SLC6A11: variants seen among roughly 807,000 people sequenced by gnomAD.
SLC6A11 encodes the protein solute carrier family 6 member 11.
A neutral mutation model predicts 74.8 loss-of-function variants in SLC6A11; 25 were observed. That is an observed-to-expected ratio of 0.33 (90% CI 0.24 to 0.47). The LOEUF (loss-of-function observed/expected upper bound fraction) is 0.47. SLC6A11 is among the 20% of genes least tolerant of loss of function. The pLI, the probability that SLC6A11 is intolerant of heterozygous loss-of-function variation, is 1.00. For missense variants in SLC6A11, 574 were observed against 837.0 expected, an observed-to-expected ratio of 0.69 and a Z score of 3.88; for synonymous variants, 330 against 330.2, an observed-to-expected ratio of 1.00 and a Z score of 0.01.
At chr3:10,827,463 G>T (rs1694226330) in intron 4 of SLC6A11, among the ~76,000 whole-genome samples, 1 of 152,132 alleles carries the variant, frequency 6.6e-6, no homozygotes, top group Admixed American at 6.5e-5. Context: ...TTCAAGTATT[G>T]GATCAAGCTT....
chr3:10,911,170 C>T (rs76514440), intron 6 of SLC6A11, among the ~76,000 whole-genome samples: 3 of 152,302 alleles, frequency 2.0e-5, no homozygotes, highest in African/African-American at 2.4e-5. Context: ...GGCAGTAATG[C>T]GTGCTGCCTG....
rs1354549743 is a variant in SLC6A11 at position 10,911,476 on chromosome 3, G to A, written c.892-614G>A. On this transcript the variant is annotated intron_variant, in intron 6 of 13. Coordinates refer to ENST00000254488, the MANE Select transcript of SLC6A11 (RefSeq NM_014229.3). Reference sequence around the variant, plus strand: ...TACCACATAGGAAGCCTAGAGGGGGGGAGTCTGTTCTGAAAGGGAGAAGGA... The same window carrying A: ...TACCACATAGGAAGCCTAGAGGGGGAGAGTCTGTTCTGAAAGGGAGAAGGA... 4.6e-5 allele frequency among the ~76,000 whole-genome samples: 7 copies of A among 152,254 alleles called. 1 individual carries two copies. The highest frequency in any genetic ancestry group is 1.7e-4 in the African/African-American group (7 of 41,554).
At chr3:10,900,445 G>A (rs1263816563) in intron 6 of SLC6A11, among the ~76,000 whole-genome samples, 2 of 152,212 alleles carry the variant, frequency 1.3e-5, no homozygotes, top group Non-Finnish European at 2.9e-5. Flanking sequence ...CCAGTTGGGG[G>A]AGACAGACAA....
At chr3:10,933,093 C>G in intron 10 of SLC6A11, 58 bp from the exon 11 acceptor site, 9 of 1,242,404 alleles carry the variant, frequency 7.2e-6, no homozygotes, top group Non-Finnish European at 1.1e-5. Flanking sequence ...GATGGCTGAC[C>G]CTGCTCTCCC....
intron 5 of SLC6A11, among the ~76,000 whole-genome samples, chr3:10,858,457 T>A (rs1217301375): frequency 1.3e-5 from 2 of 152,192 alleles, no homozygotes; most frequent in Non-Finnish European, 2.9e-5. Context: ...ATTCCCAGCA[T>A]CTCTAGTTAT....
intron 4 of SLC6A11, among the ~76,000 whole-genome samples, chr3:10,838,775 C>A (rs565513400): frequency 1.3e-5 from 2 of 152,204 alleles, no homozygotes; most frequent in Admixed American, 1.3e-4. Context: ...TCAATTTGGG[C>A]AAGTTGCTTC....
rs34205263 is a variant in SLC6A11 at position 10,923,250 on chromosome 3, TA to T, written c.1121-2740del. On this transcript the variant is annotated intron_variant, in intron 8 of 13. Coordinates refer to ENST00000254488, the MANE Select transcript of SLC6A11 (RefSeq NM_014229.3). ...TGGTTTCTAAACACTATTCTTCAAT[TA>T]AAAAAAAAAAAAACACAGGGCTCCT... Among the ~76,000 whole-genome samples, 453 of 142,362 alleles carry T rather than the reference TA, an allele frequency of 3.2e-3. 1 individual carries two copies. Among genetic ancestry groups the T allele is most frequent in the African/African-American group, 8.4e-3 (325 of 38,522 alleles). 93.4% of individuals were successfully genotyped at this position (142,362 alleles called of 152,430 possible).
At chr3:10,865,524 G>A (rs2106597427) in intron 5 of SLC6A11, among the ~76,000 whole-genome samples, 1 of 152,336 alleles carries the variant, frequency 6.6e-6, no homozygotes, top group Admixed American at 6.5e-5. Flanking sequence ...TTAGCTGGGT[G>A]TGGTAGCATG....
At chr3:10,888,906 A>G (rs1695075691) in intron 6 of SLC6A11, among the ~76,000 whole-genome samples, 1 of 152,128 alleles carries the variant, frequency 6.6e-6, no homozygotes. Context: ...ATCAGGAGAA[A>G]TTTACCAAGT....
rs558577283 is a variant in SLC6A11, at chr3:10,880,151, C to A, written c.891+5056C>A. ...CACCCTACAGACAACTGAGGCACAG[C>A]TCCCAAAGTTAGGAAGAGTAGATTA... On this transcript the variant is annotated intron_variant, in intron 6 of 13. Transcript: ENST00000254488. Among the ~76,000 whole-genome samples, 9 of 152,290 alleles carry A rather than the reference C, an allele frequency of 5.9e-5. No individual in the cohort carries two copies. The South Asian group carries it at 1.9e-3, about 32-fold the overall frequency.
At chr3:10,819,622 A>C (rs1186878737) in intron 2 of SLC6A11, 23 bp downstream of exon 2, 1 of 1,610,422 alleles carries the variant, frequency 6.2e-7, no homozygotes, top group Admixed American at 1.7e-5. Flanking sequence ...TTAATGAGAA[A>C]ATAAAATTTT....
chr3:10,931,259 T>C (rs1472467123), intron 10 of SLC6A11, among the ~76,000 whole-genome samples: 2 of 152,202 alleles, frequency 1.3e-5, no homozygotes, highest in African/African-American at 4.8e-5. Flanking sequence ...GCCTGCCTTG[T>C]AATTGTACCA....
chr3:10,825,180 C>CTAAAAAAAA (rs1694191992), intron 4 of SLC6A11: 1 of 120,818 alleles, frequency 8.3e-6, no homozygotes, highest in African/African-American at 2.9e-5. Flanking sequence ...GAGACTGTCT[C>CTAAAAAAAA]AAAAAAAAAA....
intron 10 of SLC6A11, among the ~76,000 whole-genome samples, chr3:10,931,847 C>T (rs1323454237): frequency 6.6e-6 from 1 of 152,180 alleles, no homozygotes; most frequent in African/African-American, 2.4e-5. Flanking sequence ...TAGATGAAGA[C>T]ATGAACGAGT....
Position 10,916,783 on chromosome 3 carries a change from A to G in SLC6A11, c.996-1546A>G, listed in dbSNP as rs574360931. ...AATGATTTGATCTAGCGCAAGGTCA[A>G]GAAATTCTGTTATCCAAGCACCTTG... On this transcript the variant is annotated intron_variant, in intron 7 of 13. Transcript: ENST00000254488. Among the ~76,000 whole-genome samples the G allele has an allele frequency of 3.9e-5, 6 of 152,320 alleles. No homozygotes were observed. The South Asian group carries it at 6.2e-4, about 16-fold the overall frequency.
Position 10,816,340 on chromosome 3 carries a change from T to A in SLC6A11, c.75T>A (p.Gly25=), listed in dbSNP as rs1694055891. 1 of 1,422,220 alleles carries A rather than the reference T, an allele frequency of 7.0e-7. No homozygotes were observed. Among genetic ancestry groups the A allele is most frequent in the Non-Finnish European group, 9.2e-7 (1 of 1,091,378 alleles). 88.1% of individuals were successfully genotyped at this position (1,422,220 alleles called of 1,614,324 possible). A position where few individuals can be genotyped will look rare whatever the true frequency, so the allele number is the denominator to read the frequency against. The change falls in exon 1 of 14, where the codon GGT becomes GGA. Residue 25 remains glycine (G), a synonymous_variant. Transcript: ENST00000254488. The surrounding 1 kb of genome is among the most constrained non-coding windows in gnomAD (Gnocchi z 4.2). The part of the protein sequence containing the change: ...AEEARESEAP[G]GGCSSGGAAP... The stretch of plus-strand genomic sequence containing the variant: ...AGGCGCGGGAGTCCGAGGCGCCGGG[T>A]GGCGGCTGCAGCAGCGGGGGCGCGG...
intron 5 of SLC6A11, 148 bp from the exon 6 acceptor site, chr3:10,874,812 CA>C (rs1694887938): frequency 1.6e-6 from 1 of 638,900 alleles, no homozygotes; most frequent in African/African-American, 1.8e-5. Context: ...ATGGATCAAG[CA>C]AATGTGGTCT....
At position 10,916,563 on chromosome 3, in the gene SLC6A11, G is replaced by A. The variant is rs1695456786; in HGVS notation, c.996-1766G>A. Among the ~76,000 whole-genome samples the A allele has an allele frequency of 2.0e-5, 3 of 152,320 alleles. 1 individual carries two copies. Among genetic ancestry groups the A allele is most frequent in the Middle Eastern group, 6.8e-3 (2 of 294 alleles). ...AAGGGGTAGCAGCTCCCCTGGGGAA[G>A]TTCTCATAGAAAATCACAGAAATGA... On this transcript the variant is annotated intron_variant, in intron 7 of 13. Transcript: ENST00000254488.
At chr3:10,835,883 TG>T (rs1237052296) in intron 4 of SLC6A11, among the ~76,000 whole-genome samples, 2 of 152,252 alleles carry the variant, frequency 1.3e-5, no homozygotes, top group East Asian at 3.8e-4. Context: ...GAAAGTTTAT[TG>T]TAGTTTACAT....
Sources: gnomAD v4.1 joint callset for allele counts (sites outside exome capture counted in the v4.1 genomes callset) on GRCh38, gnomAD v4.1.1 for gene constraint, Gnocchi (gnomAD v3.1) non-coding constraint, MANE v1.5 for transcripts, NCBI Gene and HGNC (gene_info 2026-07-23, HGNC 2026-07-21) for gene names.